The following HDX variants were observed in gnomAD, a reference collection of about 807,000 sequenced individuals.
HDX encodes chromosome X open reading frame 43.
A neutral mutation model predicts 45.2 loss-of-function variants in HDX; 19 were observed. The observed-to-expected ratio is 0.42, with a 90% confidence interval of 0.29 to 0.62. The LOEUF (loss-of-function observed/expected upper bound fraction) is 0.62. Ranked by LOEUF, HDX falls within the 20% of genes least tolerant of loss-of-function variation. The pLI, the probability that HDX is intolerant of heterozygous loss-of-function variation, is 0.20. For synonymous variants in HDX, 188 were observed against 172.8 expected (o/e 1.09, Z -0.69); for missense variants, 532 against 493.9 (o/e 1.08, Z -0.73).
intron 7 of HDX, among the ~76,000 whole-genome samples, chrX:84,338,001 T>C (rs2037003320): frequency 9.0e-6 from 1 of 111,413 alleles, no homozygotes; most frequent in Non-Finnish European, 1.9e-5. Context: ...AGCCATATCA[T>C]GGAGATTATT....
intron 6 of HDX, among the ~76,000 whole-genome samples, chrX:84,349,460 G>A (rs2037285665): frequency 1.2e-5 from 1 of 81,833 alleles, no homozygotes. Flanking sequence ...TATGGTTAGG[G>A]TTAGGCATTA....
chrX:84,419,030 A>G (rs1338313881), intron 5 of HDX, among the ~76,000 whole-genome samples: 1 of 111,944 alleles, frequency 8.9e-6, no homozygotes, highest in Non-Finnish European at 1.9e-5. Context: ...CAGACACAAC[A>G]TAGGCCAGAA....
At chrX:84,433,216 G>A (rs2039546271) in intron 5 of HDX, among the ~76,000 whole-genome samples, 1 of 110,976 alleles carries the variant, frequency 9.0e-6, no homozygotes, top group South Asian at 3.8e-4. Context: ...GTGCCTTTGA[G>A]GTCTTATTGA....
chrX:84,369,543 A>G (rs1231462596), intron 5 of HDX, among the ~76,000 whole-genome samples: 1 of 112,151 alleles, frequency 8.9e-6, no homozygotes, highest in Non-Finnish European at 1.9e-5. Flanking sequence ...AACAGTGCAT[A>G]GAGGTTTTAA....
Position 84,468,854 on chromosome X carries a change from T to TCTG in HDX, c.866_868dup (p.Ala289dup). 1 of 1,211,463 alleles carries TCTG rather than the reference T, an allele frequency of 8.3e-7. No homozygotes were observed. The highest frequency in any genetic ancestry group is 1.7e-5 in the African/African-American group (1 of 57,781). On this transcript the variant is annotated inframe_insertion, in exon 4 of 11. Transcript: ENST00000373177. ...CATTGCAATGGACAAACAATTTCCTTCTGCTGAGCTAGGCTTCTGTGGGGC... is the reference window on the plus strand; with the variant it reads ...CATTGCAATGGACAAACAATTTCCTTCTGCTGCTGAGCTAGGCTTCTGTGGGGC...
rs2036604207 is a variant in HDX at position 84,321,882 on chromosome X, A to G, written c.*7T>C. ...AAGACTGTATCATATATTCCCTCCA[A>G]CTGAAATCACAAACTTTCTGAGACA... On this transcript the variant is annotated 3_prime_UTR_variant, in exon 11 of 11. Transcript: ENST00000373177. 4 of 1,186,726 alleles carry G rather than the reference A, an allele frequency of 3.4e-6. No individual in the cohort carries two copies. In the African/African-American group the frequency reaches 5.3e-5, roughly 16 times the overall value.
At chrX:84,419,005 T>G (rs188035386) in intron 5 of HDX, among the ~76,000 whole-genome samples, 12 of 111,729 alleles carry the variant, frequency 1.1e-4, no homozygotes, top group African/African-American at 3.9e-4. Context: ...GGCCCTAGCT[T>G]CCAGATGACA....
intron 5 of HDX, among the ~76,000 whole-genome samples, chrX:84,370,908 G>A (rs1440495211): frequency 8.9e-6 from 1 of 112,077 alleles, no homozygotes; most frequent in African/African-American, 3.2e-5. Flanking sequence ...AACCTAGCAG[G>A]AAGTATCTTT....
chrX:84,360,259 T>G (rs2037587817), intron 6 of HDX, among the ~76,000 whole-genome samples: 1 of 111,483 alleles, frequency 9.0e-6, no homozygotes, highest in Admixed American at 9.6e-5. Context: ...GAATGGCAAT[T>G]ATTAAAAAGT....
intron 5 of HDX, among the ~76,000 whole-genome samples, chrX:84,410,062 T>TAAA (rs1215257762): frequency 1.8e-3 from 132 of 74,571 alleles, no homozygotes; most frequent in African/African-American, 6.5e-3. Context: ...CAAAAAAGAT[T>TAAA]AAAAAAAAAA....
Position 84,318,322 on chromosome X carries a change from C to A in HDX, c.*3567G>T, listed in dbSNP as rs953189146. On this transcript the variant is annotated 3_prime_UTR_variant, in exon 11 of 11. Transcript: ENST00000373177. ...AAGAGAAATCTACCCATTTACCTAACATTTAGATACAGTGGTACTGATAAC... is the reference window on the plus strand; with the variant it reads ...AAGAGAAATCTACCCATTTACCTAAAATTTAGATACAGTGGTACTGATAAC... The A allele has an allele frequency of 9.1e-6, 1 of 110,469 alleles. No individual in the cohort carries two copies. The highest frequency in any genetic ancestry group is 9.7e-5 in the Admixed American group (1 of 10,339). The allele number at this position is 110,469 out of a possible 1,213,427, so 9.1% of individuals were successfully genotyped here.
At chrX:84,356,516 G>A (rs1450953780) in intron 6 of HDX, among the ~76,000 whole-genome samples, 1 of 110,819 alleles carries the variant, frequency 9.0e-6, no homozygotes, top group Non-Finnish European at 1.9e-5. Context: ...AATGCCAAAG[G>A]GGGAACTGAT....
intron 7 of HDX, among the ~76,000 whole-genome samples, chrX:84,337,176 T>C (rs2036984308): frequency 9.1e-6 from 1 of 110,414 alleles, no homozygotes; most frequent in Non-Finnish European, 1.9e-5. Context: ...ATAATAAATA[T>C]TATGAAGCCG....
intron 5 of HDX, among the ~76,000 whole-genome samples, chrX:84,396,013 T>C (rs1311915802): frequency 2.7e-5 from 3 of 112,056 alleles, no homozygotes; most frequent in Non-Finnish European, 5.6e-5. Context: ...TCTCCCTGAG[T>C]TTTCAAAAAT....
chrX:84,435,832 A>T (rs2039614578), intron 5 of HDX, among the ~76,000 whole-genome samples: 2 of 99,053 alleles, frequency 2.0e-5, no homozygotes, highest in African/African-American at 7.4e-5. Flanking sequence ...TGTTGGTGGG[A>T]CTGTAAACTA....
chrX:84,470,798 T>C (rs2040439952), intron 3 of HDX, among the ~76,000 whole-genome samples: 2 of 111,627 alleles, frequency 1.8e-5, no homozygotes, highest in South Asian at 7.3e-4. Flanking sequence ...ATGTGATTAC[T>C]AAACTTTATA....
At chrX:84,491,769 A>G (rs1194892048) in intron 1 of HDX, among the ~76,000 whole-genome samples, 1 of 111,226 alleles carries the variant, frequency 9.0e-6, no homozygotes, top group Admixed American at 9.6e-5. Context: ...TTGCTCCATT[A>G]CTCAGGCAAT....
chrX:84,417,861 C>G (rs753628315), intron 5 of HDX, among the ~76,000 whole-genome samples: 1 of 111,913 alleles, frequency 8.9e-6, no homozygotes, highest in Admixed American at 9.5e-5. Context: ...TTGGAAAACA[C>G]ACAGAATTGA....
At chrX:84,375,385 C>G (rs2038024846) in intron 5 of HDX, among the ~76,000 whole-genome samples, 1 of 110,602 alleles carries the variant, frequency 9.0e-6, no homozygotes, top group South Asian at 3.8e-4. Flanking sequence ...CCCAGCCATC[C>G]CATTACTGGG....
Sources: allele counts gnomAD v4.1 joint callset (sites outside exome capture counted in the v4.1 genomes callset), GRCh38; gene constraint gnomAD v4.1.1; transcripts MANE v1.5; gene names NCBI Gene and HGNC (gene_info 2026-07-23, HGNC 2026-07-21).